Variants in PTPRD observed in about 807,000 individuals in gnomAD.
PTPRD encodes the protein protein tyrosine phosphatase receptor type D, also known as receptor-type tyrosine-protein phosphatase delta.
Under a neutral mutation model 214.5 loss-of-function variants are expected in PTPRD, and 34 were observed. The observed-to-expected ratio is 0.16, with a 90% CI of 0.12 to 0.21. PTPRD has a LOEUF of 0.21. PTPRD is among the 10% of genes least tolerant of loss of function. The pLI, the probability that PTPRD is intolerant of heterozygous loss-of-function variation, is 1.00. For synonymous variants in PTPRD, 1,128 were observed against 845.7 expected (o/e 1.33, Z -5.79); for missense variants, 2,545 against 2,398.7 (o/e 1.06, Z -1.27).
intron 30 of PTPRD, among the ~76,000 whole-genome samples, chr9:8,481,265 T>C (rs1302149553): frequency 6.6e-6 from 1 of 151,732 alleles, no homozygotes; most frequent in East Asian, 1.9e-4. Context: ...AGTAATAATC[T>C]TTCAGAAATT....
At chr9:8,463,012 C>T (rs2096456383) in intron 32 of PTPRD, among the ~76,000 whole-genome samples, 1 of 151,820 alleles carries the variant, frequency 6.6e-6, no homozygotes, top group Non-Finnish European at 1.5e-5. Context: ...TTTCAAATGG[C>T]TGAAATTGTC....
At chr9:9,813,109 A>G (rs2047661562) in intron 5 of PTPRD, among the ~76,000 whole-genome samples, 1 of 152,076 alleles carries the variant, frequency 6.6e-6, no homozygotes, top group South Asian at 2.1e-4. Context: ...ATGAAAAAGA[A>G]AAAGACAACA....
At chr9:9,152,378 C>A (rs2099877587) in intron 10 of PTPRD, among the ~76,000 whole-genome samples, 2 of 152,178 alleles carry the variant, frequency 1.3e-5, no homozygotes, top group African/African-American at 4.8e-5. Context: ...CTTATTCCAT[C>A]ACTGAAAGTA....
intron 2 of PTPRD, among the ~76,000 whole-genome samples, chr9:10,433,146 G>T (rs2098694375): frequency 1.3e-5 from 2 of 151,824 alleles, no homozygotes; most frequent in African/African-American, 2.4e-5. Flanking sequence ...AAAAGCAGCT[G>T]TCATGCAATA....
At chr9:9,027,949 G>GT (rs943156885) in intron 10 of PTPRD, among the ~76,000 whole-genome samples, 3 of 151,810 alleles carry the variant, frequency 2.0e-5, no homozygotes, top group African/African-American at 4.8e-5. Flanking sequence ...GCCACATTTA[G>GT]TTTTTTTAGC....
intron 8 of PTPRD, among the ~76,000 whole-genome samples, chr9:9,488,324 A>G (rs1428488583): frequency 6.6e-6 from 1 of 152,078 alleles, no homozygotes; most frequent in Non-Finnish European, 1.5e-5. Flanking sequence ...GTGGTCTACA[A>G]TTTCTTTTGC....
chr9:9,235,648 T>C (rs952176069), intron 9 of PTPRD, among the ~76,000 whole-genome samples: 4 of 152,154 alleles, frequency 2.6e-5, no homozygotes, highest in Admixed American at 2.6e-4. Flanking sequence ...CTTTGGAACA[T>C]ACTGGTGTTA....
At chr9:8,709,262 G>T (rs866540215) in intron 12 of PTPRD, among the ~76,000 whole-genome samples, 1 of 151,958 alleles carries the variant, frequency 6.6e-6, no homozygotes, top group Non-Finnish European at 1.5e-5. Context: ...CACCTGTAAT[G>T]CCAGCACTTT....
At chr9:10,431,332 C>A (rs1156672634) in intron 2 of PTPRD, among the ~76,000 whole-genome samples, 1 of 151,834 alleles carries the variant, frequency 6.6e-6, no homozygotes, top group Non-Finnish European at 1.5e-5. Context: ...CATAAAAACC[C>A]TAGAAGAAAA....
chr9:9,331,464 TGGA>T (rs1005984019), intron 9 of PTPRD, among the ~76,000 whole-genome samples: 4 of 152,034 alleles, frequency 2.6e-5, no homozygotes, highest in African/African-American at 9.7e-5. Context: ...CAATTGAAAC[TGGA>T]GGAGGAGAGC....
intron 5 of PTPRD, among the ~76,000 whole-genome samples, chr9:9,784,266 A>G (rs1402984226): frequency 1.3e-5 from 2 of 152,092 alleles, no homozygotes; most frequent in East Asian, 3.9e-4. Context: ...CCCAACTGCA[A>G]AGCATTCATA....
intron 2 of PTPRD, among the ~76,000 whole-genome samples, chr9:10,402,954 C>T (rs1384640832): frequency 2.0e-5 from 3 of 151,402 alleles, no homozygotes; most frequent in South Asian, 2.1e-4. Flanking sequence ...CGCTTTTCAC[C>T]GCTTCCTCAC....
intron 13 of PTPRD, among the ~76,000 whole-genome samples, chr9:8,634,714 T>G (rs2096373382): frequency 6.6e-6 from 1 of 152,012 alleles, no homozygotes; most frequent in African/African-American, 2.4e-5. Context: ...TTTAAAAAAG[T>G]TATTTATGAT....
intron 10 of PTPRD, among the ~76,000 whole-genome samples, chr9:9,091,839 T>C (rs1430290743): frequency 1.3e-5 from 2 of 152,194 alleles, no homozygotes; most frequent in Non-Finnish European, 2.9e-5. Flanking sequence ...CTAGGTACTA[T>C]TACCATCATG....
At chr9:10,088,341 C>T (rs1303248995) in intron 3 of PTPRD, among the ~76,000 whole-genome samples, 1 of 151,674 alleles carries the variant, frequency 6.6e-6, no homozygotes, top group Non-Finnish European at 1.5e-5. Flanking sequence ...ACTGAATATG[C>T]CTCTATTAGA....
intron 5 of PTPRD, among the ~76,000 whole-genome samples, chr9:9,791,161 G>C (rs1314169888): frequency 6.6e-6 from 1 of 151,930 alleles, no homozygotes; most frequent in Non-Finnish European, 1.5e-5. Flanking sequence ...GCTGCATATA[G>C]CCATCATTAA....
chr9:9,376,800 C>T (rs1052463310), intron 9 of PTPRD, among the ~76,000 whole-genome samples: 10 of 151,912 alleles, frequency 6.6e-5, no homozygotes, highest in Admixed American at 2.6e-4. Flanking sequence ...AAAAGAAAGG[C>T]GGGATCCAAT....
intron 8 of PTPRD, among the ~76,000 whole-genome samples, chr9:9,474,078 G>T (rs965172724): frequency 2.6e-5 from 4 of 152,060 alleles, no homozygotes; most frequent in Middle Eastern, 3.4e-3. Context: ...ACTTCTAGTG[G>T]TTTTATAGAC....
At chr9:9,399,922 A>G (rs1055360450) in intron 8 of PTPRD, among the ~76,000 whole-genome samples, 1 of 152,044 alleles carries the variant, frequency 6.6e-6, no homozygotes, top group Non-Finnish European at 1.5e-5. Flanking sequence ...TATTAGCAGC[A>G]TGTGAACAGA....
Sources: allele counts gnomAD v4.1 joint callset (sites outside exome capture counted in the v4.1 genomes callset), GRCh38; gene constraint gnomAD v4.1.1; transcripts MANE v1.5; gene names NCBI Gene and HGNC (gene_info 2026-07-23, HGNC 2026-07-21).